Variants in DCC observed in about 807,000 individuals in gnomAD.
DCC encodes the protein DCC netrin 1 receptor.
In DCC, 58 loss-of-function variants were observed where a neutral mutation model predicts 172.5. The ratio of observed to expected loss-of-function variants is 0.34; its 90% CI spans 0.27 to 0.42. The LOEUF is 0.42. DCC is among the 10% of genes least tolerant of loss of function. The pLI, the probability that DCC is intolerant of heterozygous loss-of-function variation, is 1.00. For synonymous variants in DCC, 709 were observed against 644.5 expected (o/e 1.10, Z -1.52); for missense variants, 1,740 against 1,791.0 (o/e 0.97, Z 0.51).
At chr18:53,520,188 T>A (rs1568184245) in intron 27 of DCC, among the ~76,000 whole-genome samples, 1 of 152,050 alleles carries the variant, frequency 6.6e-6, no homozygotes, top group East Asian at 1.9e-4. Flanking sequence ...AAGCTTCATG[T>A]GGAGGAACAG....
intron 12 of DCC, among the ~76,000 whole-genome samples, chr18:53,261,734 T>C (rs1311478255): frequency 6.6e-6 from 1 of 152,074 alleles, no homozygotes; most frequent in African/African-American, 2.4e-5. Context: ...CTCCTGACCT[T>C]GTGATCCACC....
intron 9 of DCC, among the ~76,000 whole-genome samples, chr18:53,204,721 G>T (rs955762586): frequency 1.3e-5 from 2 of 152,100 alleles, no homozygotes; most frequent in African/African-American, 4.8e-5. Context: ...CCAGAATCAG[G>T]CAAGATTTTA....
intron 15 of DCC, among the ~76,000 whole-genome samples, chr18:53,347,994 A>G (rs2057744685): frequency 6.6e-6 from 1 of 152,098 alleles, no homozygotes; most frequent in Non-Finnish European, 1.5e-5. Context: ...CAGCGAAACC[A>G]TATCATTCTG....
intron 1 of DCC, among the ~76,000 whole-genome samples, chr18:52,519,843 A>G (rs190859835): frequency 3.3e-5 from 5 of 152,218 alleles, no homozygotes; most frequent in African/African-American, 9.6e-5. Context: ...AGAACTTTCA[A>G]TGAACCATGA....
At chr18:52,745,392 T>A (rs2036891768) in intron 1 of DCC, among the ~76,000 whole-genome samples, 1 of 152,246 alleles carries the variant, frequency 6.6e-6, no homozygotes, top group South Asian at 2.1e-4. Flanking sequence ...AACGTGAGAA[T>A]TACCTGGAAG....
At chr18:52,986,314 T>C (rs1457260887) in intron 5 of DCC, among the ~76,000 whole-genome samples, 1 of 152,174 alleles carries the variant, frequency 6.6e-6, no homozygotes, top group Non-Finnish European at 1.5e-5. Context: ...GAAATCTTAT[T>C]GGTAATGATG....
intron 1 of DCC, among the ~76,000 whole-genome samples, chr18:52,644,717 T>C (rs922012990): frequency 1.1e-4 from 16 of 149,444 alleles, no homozygotes; most frequent in African/African-American, 4.0e-4. Flanking sequence ...ATTGTACCAC[T>C]GTGTGACAGA....
At chr18:53,296,099 C>T (rs1281515203) in intron 12 of DCC, among the ~76,000 whole-genome samples, 1 of 152,118 alleles carries the variant, frequency 6.6e-6, no homozygotes, top group East Asian at 1.9e-4. Context: ...CCTTTCAGTT[C>T]ACAGTAGAAA....
intron 27 of DCC, among the ~76,000 whole-genome samples, chr18:53,509,810 T>C (rs2046228507): frequency 6.6e-6 from 1 of 152,196 alleles, no homozygotes; most frequent in Non-Finnish European, 1.5e-5. Context: ...TGTTTTTCTT[T>C]TGTTTTGTTT....
intron 1 of DCC, among the ~76,000 whole-genome samples, chr18:52,425,680 A>G (rs1287676406): frequency 6.6e-6 from 1 of 152,094 alleles, no homozygotes; most frequent in African/African-American, 2.4e-5. Flanking sequence ...AAAGAAAAGT[A>G]AAACATTTTG....
intron 1 of DCC, among the ~76,000 whole-genome samples, chr18:52,593,294 A>C (rs934876198): frequency 6.6e-6 from 1 of 152,194 alleles, no homozygotes; most frequent in African/African-American, 2.4e-5. Flanking sequence ...GGTAAACTAC[A>C]CAAATTGATT....
rs572171003 is a variant in DCC, at chr18:52,980,004, T to C, written c.985+54634T>C. Reference sequence around the variant, plus strand: ...ATGTGAGTTCTACAGACAGCACTTATCCCCTGAGACATAGGCACGGCTTTC... The same window carrying C: ...ATGTGAGTTCTACAGACAGCACTTACCCCCTGAGACATAGGCACGGCTTTC... On this transcript the variant is annotated intron_variant, in intron 5 of 28. Coordinates refer to ENST00000442544, the MANE Select transcript of DCC (RefSeq NM_005215.4). Among the ~76,000 whole-genome samples the C allele has an allele frequency of 1.6e-3, 210 of 128,060 alleles. 2 individuals carry two copies. Among genetic ancestry groups the C allele is most frequent in the African/African-American group, 5.5e-3 (204 of 36,770 alleles). 84.0% of individuals were successfully genotyped at this position (128,060 alleles called of 152,430 possible).
chr18:53,216,385 G>A (rs896518581), intron 12 of DCC, among the ~76,000 whole-genome samples: 3 of 152,066 alleles, frequency 2.0e-5, no homozygotes, highest in Admixed American at 6.6e-5. Flanking sequence ...CTAAGCTCTG[G>A]GAGACAGCAG....
intron 5 of DCC, among the ~76,000 whole-genome samples, chr18:52,948,414 AATG>A (rs1347861369): frequency 3.9e-5 from 6 of 152,204 alleles, no homozygotes; most frequent in Non-Finnish European, 7.3e-5. Context: ...GATATTGAAT[AATG>A]ATCAATATCT....
chr18:52,706,056 T>A (rs1057424693), intron 1 of DCC, among the ~76,000 whole-genome samples: 16 of 152,144 alleles, frequency 1.1e-4, no homozygotes. Context: ...TAGAAACATG[T>A]TGATTAGGCC....
At chr18:53,406,720 AGAAAG>A (rs1568112093) in intron 19 of DCC, among the ~76,000 whole-genome samples, 8 of 118,036 alleles carry the variant, frequency 6.8e-5, no homozygotes, top group African/African-American at 2.0e-4. Flanking sequence ...AAAAAAAGAA[AGAAAG>A]AAAAAAGAAA....
intron 1 of DCC, among the ~76,000 whole-genome samples, chr18:52,478,076 T>C (rs1314386953): frequency 1.3e-5 from 2 of 152,102 alleles, no homozygotes; most frequent in Non-Finnish European, 2.9e-5. Context: ...TCACAAAGTA[T>C]TGGAATTAAA....
chr18:52,418,625 C>T (rs1987129939), intron 1 of DCC, among the ~76,000 whole-genome samples: 1 of 152,072 alleles, frequency 6.6e-6, no homozygotes, highest in African/African-American at 2.4e-5. Context: ...AGGTGGTTTT[C>T]ATCCTATACA....
At chr18:52,921,741 G>A (rs1198897444) in intron 3 of DCC, among the ~76,000 whole-genome samples, 2 of 149,354 alleles carry the variant, frequency 1.3e-5, no homozygotes, top group East Asian at 2.0e-4. Context: ...ATAAATGAAA[G>A]GAAAAAGTGT....
Sources: allele counts gnomAD v4.1 joint callset (sites outside exome capture counted in the v4.1 genomes callset), GRCh38; gene constraint gnomAD v4.1.1; transcripts MANE v1.5; gene names NCBI Gene and HGNC (gene_info 2026-07-23, HGNC 2026-07-21).